Variants in ATP8A2 observed in about 807,000 individuals in gnomAD.
ATP8A2 encodes the protein ATPase phospholipid transporting 8A2, also known as phospholipid-transporting ATPase IB.
In ATP8A2, 100 loss-of-function variants were observed where a neutral mutation model predicts 165.6. The observed-to-expected ratio is 0.60, with a 90% CI of 0.51 to 0.71. The LOEUF is 0.71. Ranked by LOEUF, ATP8A2 falls within the 30% of genes least tolerant of loss-of-function variation. ATP8A2 has a pLI of 0.00. For missense variants in ATP8A2, 1,227 were observed against 1,479.5 expected (o/e 0.83, Z 2.80); for synonymous variants, 543 against 548.8 (o/e 0.99, Z 0.15).
At chr13:25,987,661 A>AT (rs1157409555) in intron 35 of ATP8A2, among the ~76,000 whole-genome samples, 1 of 152,206 alleles carries the variant, frequency 6.6e-6, no homozygotes, top group African/African-American at 2.4e-5. Context: ...GCCACCAGCC[A>AT]TGCAGGGGTG....
At chr13:25,430,995 A>G (rs77059475) in intron 1 of ATP8A2, among the ~76,000 whole-genome samples, 6,543 of 151,190 alleles carry the variant, frequency 0.043, 468 homozygotes, top group African/African-American at 0.15. Context: ...TCCTTCCTAA[A>G]ACACACACAC....
intron 1 of ATP8A2, among the ~76,000 whole-genome samples, chr13:25,399,425 G>C (rs1480465585): frequency 1.5e-5 from 1 of 64,804 alleles, no homozygotes; most frequent in East Asian, 4.3e-4. Context: ...TTGAGACGGA[G>C]TTTCGCTCTG....
chr13:25,613,605 A>G (rs1352749232), intron 24 of ATP8A2, among the ~76,000 whole-genome samples: 1 of 152,114 alleles, frequency 6.6e-6, no homozygotes, highest in Non-Finnish European at 1.5e-5. Flanking sequence ...AACAAACACA[A>G]AAAAAGAAGT....
intron 27 of ATP8A2, among the ~76,000 whole-genome samples, chr13:25,793,711 A>G (rs1178523697): frequency 2.0e-5 from 3 of 152,014 alleles, no homozygotes; most frequent in Non-Finnish European, 2.9e-5. Flanking sequence ...TAGCAAAGAC[A>G]TTTTGTGTTA....
intron 1 of ATP8A2, among the ~76,000 whole-genome samples, chr13:25,423,004 A>G (rs1040875676): frequency 3.3e-5 from 5 of 152,062 alleles, no homozygotes; most frequent in African/African-American, 7.2e-5. Context: ...CCTTGGCTCT[A>G]TTTGTCAGGG....
intron 35 of ATP8A2, among the ~76,000 whole-genome samples, chr13:26,004,800 G>A (rs796372865): frequency 7.9e-5 from 12 of 152,140 alleles, no homozygotes; most frequent in African/African-American, 2.9e-4. Flanking sequence ...ATAGATTTGT[G>A]TATATTGAAC....
intron 30 of ATP8A2, among the ~76,000 whole-genome samples, chr13:25,857,005 C>CG (rs1382938834): frequency 6.6e-6 from 1 of 152,202 alleles, no homozygotes; most frequent in Non-Finnish European, 1.5e-5. Flanking sequence ...AAGAATGTAA[C>CG]TTATTCCATT....
At chr13:25,576,107 C>T (rs1004776722) in intron 19 of ATP8A2, among the ~76,000 whole-genome samples, 2 of 152,132 alleles carry the variant, frequency 1.3e-5, no homozygotes, top group East Asian at 1.9e-4. Flanking sequence ...AACTGAAACA[C>T]GGGTTTCAAG....
intron 1 of ATP8A2, among the ~76,000 whole-genome samples, chr13:25,445,720 A>G (rs2035049405): frequency 1.3e-5 from 2 of 152,176 alleles, no homozygotes; most frequent in Non-Finnish European, 2.9e-5. Context: ...ATGGTGGTAG[A>G]TGGTGGCTGG....
At chr13:25,580,207 TG>T (rs1394733540) in intron 22 of ATP8A2, among the ~76,000 whole-genome samples, 4 of 152,216 alleles carry the variant, frequency 2.6e-5, no homozygotes, top group African/African-American at 9.6e-5. Flanking sequence ...AGCGACTTTC[TG>T]GGTTTGCTTA....
intron 33 of ATP8A2, 21 bp downstream of exon 33, chr13:25,862,429 G>A (rs369240565): frequency 1.5e-5 from 24 of 1,569,400 alleles, no homozygotes; most frequent in Middle Eastern, 1.7e-4. Context: ...CTGATTGGGA[G>A]TGTGTCTTCT....
chr13:25,592,752 G>A (rs7326072), intron 24 of ATP8A2, among the ~76,000 whole-genome samples: 62,679 of 151,984 alleles, frequency 0.41, 13,558 homozygotes, highest in Middle Eastern at 0.51. Flanking sequence ...TCCAAGAGAT[G>A]AACTTTAACT....
At chr13:25,573,386 C>T (rs1389504794) in intron 18 of ATP8A2, among the ~76,000 whole-genome samples, 3 of 152,082 alleles carry the variant, frequency 2.0e-5, no homozygotes, top group Admixed American at 2.0e-4. Context: ...TCTTTGTTAC[C>T]TCATTAAAGT....
chr13:25,754,815 T>G (rs1171003653), intron 25 of ATP8A2, among the ~76,000 whole-genome samples: 1 of 152,154 alleles, frequency 6.6e-6, no homozygotes, highest in Non-Finnish European at 1.5e-5. Flanking sequence ...CTAAGAAAAA[T>G]GGTCTTCTGT....
chr13:25,932,142 C>T (rs1954785005), intron 33 of ATP8A2, among the ~76,000 whole-genome samples: 1 of 152,076 alleles, frequency 6.6e-6, no homozygotes, highest in Non-Finnish European at 1.5e-5. Flanking sequence ...TGGATGCTCC[C>T]CGTACAGTAG....
intron 2 of ATP8A2, among the ~76,000 whole-genome samples, chr13:25,528,834 CAT>C (rs1566225055): frequency 1.3e-5 from 1 of 77,244 alleles, no homozygotes; most frequent in East Asian, 2.0e-4. Context: ...ACATATGCAA[CAT>C]GTGTATGCAC....
chr13:25,373,767 A>G (rs957840499), intron 1 of ATP8A2, among the ~76,000 whole-genome samples: 2 of 152,186 alleles, frequency 1.3e-5, no homozygotes, highest in East Asian at 1.9e-4. Flanking sequence ...AATGCCTACC[A>G]TAGATCCAAG....
At chr13:25,918,279 G>C (rs1447995027) in intron 33 of ATP8A2, among the ~76,000 whole-genome samples, 1 of 152,204 alleles carries the variant, frequency 6.6e-6, no homozygotes. Context: ...TTCCTGGGAA[G>C]AGCATCAGTT....
chr13:25,442,144 G>A (rs1191701182), intron 1 of ATP8A2, among the ~76,000 whole-genome samples: 1 of 152,196 alleles, frequency 6.6e-6, no homozygotes, highest in Non-Finnish European at 1.5e-5. Context: ...CCACGGATAA[G>A]CAAACCAACT....
Sources: allele counts gnomAD v4.1 joint callset (sites outside exome capture counted in the v4.1 genomes callset), GRCh38; gene constraint gnomAD v4.1.1; transcripts MANE v1.5; gene names NCBI Gene and HGNC (gene_info 2026-07-23, HGNC 2026-07-21).